The following RHEX variants were observed in gnomAD, a reference collection of about 807,000 sequenced individuals.
The protein encoded by RHEX is regulator of hemoglobinization and erythroid cell expansion protein.
Under a neutral mutation model 20.1 loss-of-function variants are expected in RHEX, and 18 were observed. The ratio of observed to expected loss-of-function variants is 0.90; its 90% CI spans 0.62 to 1.33. The LOEUF is 1.33. RHEX is among the 40% of genes most tolerant of loss of function. RHEX has a pLI of 0.00. For missense variants in RHEX, 192 were observed against 214.3 expected (o/e 0.90, Z 0.65); for synonymous variants, 87 against 77.1 (o/e 1.13, Z -0.67).
At chr1:206,058,198 C>G (rs1242772429) in intron 1 of RHEX, among the ~76,000 whole-genome samples, 1 of 152,248 alleles carries the variant, frequency 6.6e-6, no homozygotes, top group African/African-American at 2.4e-5. Flanking sequence ...ATTTAAAACT[C>G]TTATAATAAG....
intron 1 of RHEX, among the ~76,000 whole-genome samples, chr1:206,078,724 G>GA (rs782601662): frequency 8.5e-5 from 13 of 152,162 alleles, no homozygotes; most frequent in East Asian, 3.8e-4. Context: ...TGTATGGAGT[G>GA]AGACTTTTAA....
chr1:206,057,482 G>A (rs1442806133), intron 1 of RHEX, among the ~76,000 whole-genome samples: 1 of 152,278 alleles, frequency 6.6e-6, no homozygotes, highest in Non-Finnish European at 1.5e-5. Flanking sequence ...GTTACATGGT[G>A]GAGTTCCAAT....
chr1:206,072,073 A>G (rs1662547434), intron 1 of RHEX, among the ~76,000 whole-genome samples: 1 of 152,132 alleles, frequency 6.6e-6, no homozygotes, highest in South Asian at 2.1e-4. Context: ...CATAAACAGG[A>G]ACGCAACAAA....
intron 1 of RHEX, among the ~76,000 whole-genome samples, chr1:206,073,090 G>A (rs1244159736): frequency 6.6e-6 from 1 of 151,888 alleles, no homozygotes; most frequent in African/African-American, 2.4e-5. Context: ...CACCTACCTT[G>A]GCCTCCCAAA....
chr1:206,070,995 AT>A (rs1343117983), intron 1 of RHEX, among the ~76,000 whole-genome samples: 1 of 152,222 alleles, frequency 6.6e-6, no homozygotes, highest in Non-Finnish European at 1.5e-5. Context: ...ATACGTATAT[AT>A]AAAGGGGAAT....
chr1:206,083,567 G>A (rs1662778642), intron 1 of RHEX: 8 of 985,408 alleles, frequency 8.1e-6, no homozygotes, highest in Non-Finnish European at 9.6e-6. Flanking sequence ...TCTGGGTAGG[G>A]GCTGGAGAAG....
intron 1 of RHEX, among the ~76,000 whole-genome samples, chr1:206,077,435 G>T (rs1276442371): frequency 6.6e-6 from 1 of 152,166 alleles, no homozygotes; most frequent in Non-Finnish European, 1.5e-5. Flanking sequence ...TGATAATGGT[G>T]ACCATCAAGA....
At chr1:206,059,454 T>C (rs1662262518) in intron 1 of RHEX, among the ~76,000 whole-genome samples, 1 of 152,198 alleles carries the variant, frequency 6.6e-6, no homozygotes, top group Admixed American at 6.5e-5. Flanking sequence ...GTAAATTGCC[T>C]TAGTGATCCA....
Position 206,099,780 on chromosome 1 carries a change from T to C in RHEX, c.238T>C (p.Ser80Pro), listed in dbSNP as rs1558180909. 1 of 1,614,076 alleles carries C rather than the reference T, an allele frequency of 6.2e-7. No homozygotes were observed. ...ETQTERDIPM[S>P]DSLYRHDSDT... ...TCAGACAGAGAGAGACATCCCAATG[T>C]CTGATTCCCTTTACAGGCGTGAGTA... Residue 80 changes from serine (S) to proline (P), a missense_variant, in exon 4 of 6, where the codon TCT becomes CCT. Coordinates refer to ENST00000331555, the MANE Select transcript of RHEX (RefSeq NM_001007544.4).
intron 5 of RHEX, 99 bp from the exon 6 acceptor site, chr1:206,101,653 C>T: frequency 1.1e-6 from 1 of 909,422 alleles, no homozygotes; most frequent in Non-Finnish European, 1.7e-6. Flanking sequence ...CCCACCAAGC[C>T]ATGGGCGAAT....
intron 1 of RHEX, among the ~76,000 whole-genome samples, chr1:206,057,008 G>A (rs1553282685): frequency 6.6e-6 from 1 of 152,196 alleles, no homozygotes; most frequent in Non-Finnish European, 1.5e-5. Context: ...CAGACCCAAA[G>A]TGGAATAAAG....
At chr1:206,055,393 C>T (rs1553282465) in intron 1 of RHEX, among the ~76,000 whole-genome samples, 1 of 152,238 alleles carries the variant, frequency 6.6e-6, no homozygotes, top group Non-Finnish European at 1.5e-5. Context: ...TTATTGGGCA[C>T]TCTGCCGAAT....
In RHEX at chr1:206,082,193, G is replaced by T. The variant is rs551832266; in HGVS notation, c.-96-15540G>T. Among the ~76,000 whole-genome samples, 3 of 152,276 alleles carry T rather than the reference G, an allele frequency of 2.0e-5. No individual in the cohort carries two copies. The South Asian group carries it at 6.2e-4, about 32-fold the overall frequency. On this transcript the variant is annotated intron_variant, in intron 1 of 5. Coordinates refer to ENST00000331555, the MANE Select transcript of RHEX (RefSeq NM_001007544.4). ...CACTGAAAGGGACTCAGCCCAAGGG[G>T]TGGCTTTCTGACTTGCATTTAGAGA...
Position 206,066,773 on chromosome 1 carries a change from T to TA in RHEX, c.-97+13509dup, listed in dbSNP as rs142580683. ...GTAGGTTATAGGACAATCTTATAAATATTTATGAAGGGTCCTAATGCATGT... is the reference window on the plus strand; with the variant it reads ...GTAGGTTATAGGACAATCTTATAAATAATTTATGAAGGGTCCTAATGCATGT... On this transcript the variant is annotated intron_variant, in intron 1 of 5. Coordinates refer to ENST00000331555, the MANE Select transcript of RHEX (RefSeq NM_001007544.4). Among the ~76,000 whole-genome samples, 827 of 152,342 alleles carry TA rather than the reference T, an allele frequency of 5.4e-3. 11 individuals carry two copies. The highest frequency in any genetic ancestry group is 0.018 in the African/African-American group (768 of 41,568).
chr1:206,053,641 T>C (rs1553282103), intron 1 of RHEX, among the ~76,000 whole-genome samples: 1 of 152,224 alleles, frequency 6.6e-6, no homozygotes, highest in Non-Finnish European at 1.5e-5. Context: ...AGTGTTACTG[T>C]GACACCAGGA....
At chr1:206,061,751 G>GC (rs1662314656) in intron 1 of RHEX, 1 of 152,232 alleles carries the variant, frequency 6.6e-6, no homozygotes, top group Non-Finnish European at 1.5e-5. Flanking sequence ...ACACCAACAT[G>GC]CCCCCTTTTC....
intron 1 of RHEX, among the ~76,000 whole-genome samples, chr1:206,066,617 CAA>C (rs1193771256): frequency 6.7e-6 from 1 of 150,314 alleles, no homozygotes; most frequent in African/African-American, 2.4e-5. Context: ...GACTCTGTCT[CAA>C]AAAAAAAGAG....
intron 1 of RHEX, chr1:206,083,417 C>T (rs1662776136): frequency 1.3e-6 from 1 of 792,806 alleles, no homozygotes; most frequent in African/African-American, 1.9e-5. Flanking sequence ...CAGAGCATGG[C>T]CAAAAGAGAC....
At chr1:206,096,767 TTTTTTTTTTTTTGG>T (rs370819190) in intron 1 of RHEX, among the ~76,000 whole-genome samples, 7 of 138,340 alleles carry the variant, frequency 5.1e-5, no homozygotes, top group African/African-American at 2.3e-4. Context: ...AGTCCCCTGT[TTTTTTTTTTTTTGG>T]TTTTTTTTTT....
Sources: gnomAD v4.1 joint callset for allele counts (sites outside exome capture counted in the v4.1 genomes callset) on GRCh38, gnomAD v4.1.1 for gene constraint, MANE v1.5 for transcripts, NCBI Gene and HGNC (gene_info 2026-07-23, HGNC 2026-07-21) for gene names.